The following TEX14 variants were observed in gnomAD, a reference collection of about 807,000 sequenced individuals.
TEX14 encodes inactive serine/threonine-protein kinase TEX14.
In TEX14, 168 loss-of-function variants were observed where a neutral mutation model predicts 178.6. The observed-to-expected ratio is 0.94, with a 90% CI of 0.83 to 1.07. The LOEUF (loss-of-function observed/expected upper bound fraction) is 1.07. Among genes scored for constraint, TEX14 ranks in the 50% least tolerant of loss-of-function variants. The probability of loss-of-function intolerance (pLI) is 0.00; values close to 1 mark genes in which losing one functional copy is unlikely to be tolerated. For synonymous variants in TEX14, 626 were observed against 634.1 expected (o/e 0.99, Z 0.19); for missense variants, 1,730 against 1,753.6 (o/e 0.99, Z 0.24).
At chr17:58,657,229 C>T (rs1485268367) in intron 1 of TEX14, among the ~76,000 whole-genome samples, 1 of 152,062 alleles carries the variant, frequency 6.6e-6, no homozygotes, top group East Asian at 1.9e-4. Context: ...CTCAGCCTCC[C>T]AAAGTGCTAG....
At chr17:58,649,578 T>C (rs1182789897) in intron 2 of TEX14, among the ~76,000 whole-genome samples, 1 of 152,014 alleles carries the variant, frequency 6.6e-6, no homozygotes, top group Non-Finnish European at 1.5e-5. Context: ...ATATCAAGCA[T>C]TTGAAGATGC....
intron 3 of TEX14, among the ~76,000 whole-genome samples, chr17:58,623,876 A>C (rs905387008): frequency 4.6e-5 from 7 of 152,054 alleles, no homozygotes; most frequent in Non-Finnish European, 1.0e-4. Flanking sequence ...AAGAGAAGAT[A>C]AGAAAAAAGT....
intron 19 of TEX14, among the ~76,000 whole-genome samples, 197 bp from the exon 20 acceptor site, chr17:58,579,928 C>T (rs1712433914): frequency 6.6e-6 from 1 of 152,094 alleles, no homozygotes; most frequent in Non-Finnish European, 1.5e-5. Flanking sequence ...GTAAGTCCTC[C>T]CTCACCTCTC....
chr17:58,644,290 T>C (rs1040945458), intron 2 of TEX14, among the ~76,000 whole-genome samples: 1 of 152,212 alleles, frequency 6.6e-6, no homozygotes, highest in Non-Finnish European at 1.5e-5. Context: ...CCCCTCCCCC[T>C]ACACCTACAT....
intron 29 of TEX14, 103 bp from the exon 30 acceptor site, chr17:58,559,665 A>C: frequency 1.6e-6 from 1 of 627,684 alleles, no homozygotes; most frequent in South Asian, 2.1e-5. Context: ...ACAACAACAA[A>C]ACCATATAAT....
rs115092705 is a variant in TEX14 at position 58,632,939 on chromosome 17, G to A, written c.137-2385C>T. The stretch of plus-strand genomic sequence containing the variant: ...CAATCTTGCAAGACCCCTATTAAAA[G>A]TCTCACTTCCGCTGTTCTTCGTGCC... On this transcript the variant is annotated intron_variant, in intron 2 of 31. Coordinates refer to ENST00000349033, the MANE Select transcript of TEX14 (RefSeq NM_031272.5). Among the ~76,000 whole-genome samples the A allele has an allele frequency of 2.9e-3, 441 of 152,282 alleles. 3 individuals are homozygous for A. Among genetic ancestry groups the A allele is most frequent in the African/African-American group, 9.5e-3 (395 of 41,550 alleles).
chr17:58,605,161 T>A (rs1460555865), intron 10 of TEX14, 32 bp from the exon 11 acceptor site: 1 of 1,606,732 alleles, frequency 6.2e-7, no homozygotes, highest in East Asian at 2.2e-5. Context: ...TCAGCGCTCA[T>A]GCCTTAAAGG....
intron 11 of TEX14, among the ~76,000 whole-genome samples, chr17:58,604,620 G>A (rs2045560863): frequency 6.6e-6 from 1 of 151,100 alleles, no homozygotes; most frequent in Non-Finnish European, 1.5e-5. Context: ...GAGTGCAGTG[G>A]CGCTATCTCA....
At chr17:58,631,643 TACTC>T (rs2046299646) in intron 2 of TEX14, 2 of 146,100 alleles carry the variant, frequency 1.4e-5, no homozygotes, top group Non-Finnish European at 3.0e-5. Context: ...AACCCAGAAC[TACTC>T]AGACTGCCTT....
At chr17:58,655,478 G>A (rs964507042) in intron 1 of TEX14, among the ~76,000 whole-genome samples, 32 of 151,946 alleles carry the variant, frequency 2.1e-4, no homozygotes, top group African/African-American at 7.7e-4. Flanking sequence ...CACCGCACCC[G>A]GCGACTAATG....
chr17:58,581,665 AG>A (rs1478161665), intron 19 of TEX14: 1 of 1,613,818 alleles, frequency 6.2e-7, no homozygotes, highest in Admixed American at 1.7e-5. Flanking sequence ...CACCGTCTGG[AG>A]TTAAAAATTC....
chr17:58,607,382 T>C (rs1357704864), intron 10 of TEX14, among the ~76,000 whole-genome samples: 1 of 152,166 alleles, frequency 6.6e-6, no homozygotes, highest in Non-Finnish European at 1.5e-5. Context: ...CATTTCACTT[T>C]ATTCCCTCCC....
intron 10 of TEX14, 138 bp from the exon 11 acceptor site, chr17:58,605,267 C>T: frequency 3.1e-6 from 3 of 954,368 alleles, no homozygotes; most frequent in Non-Finnish European, 4.6e-6. Flanking sequence ...TCTCAGCTCA[C>T]TGCAACCTCT....
chr17:58,585,833 T>C lies in TEX14; in HGVS notation c.3038A>G (p.His1013Arg). The C allele has an allele frequency of 6.2e-7, 1 of 1,614,088 alleles. No homozygotes were observed. The highest frequency in any genetic ancestry group is 8.5e-7 in the Non-Finnish European group (1 of 1,180,010). The change falls in exon 18 of 32, where the codon CAT (histidine) becomes CGT (arginine). Residue 1013 changes from histidine to arginine, a missense_variant. Coordinates refer to ENST00000349033, the MANE Select transcript of TEX14 (RefSeq NM_031272.5). Reference sequence around the variant, plus strand: ...GCTTCCAAGCCTGGGCTGTCTGCCATGCTGGTCACTGTCACAGTCATTGTT... The same window carrying C: ...GCTTCCAAGCCTGGGCTGTCTGCCACGCTGGTCACTGTCACAGTCATTGTT... ...TGNNDCDSDQHGRQPRLGSFT... is the reference protein window; with the variant it reads ...TGNNDCDSDQRGRQPRLGSFT...
chr17:58,654,608 A>C (rs1454377361), intron 1 of TEX14, among the ~76,000 whole-genome samples: 1 of 151,372 alleles, frequency 6.6e-6, no homozygotes, highest in African/African-American at 2.4e-5. Flanking sequence ...CTGGGTTCAA[A>C]CGATTCTCAG....
chr17:58,624,065 C>T (rs529819519), intron 3 of TEX14, among the ~76,000 whole-genome samples: 3 of 152,234 alleles, frequency 2.0e-5, no homozygotes, highest in African/African-American at 4.8e-5. Context: ...GGGCAGATCA[C>T]GAGGTCAGGA....
In TEX14 at chr17:58,621,669, A is replaced by C; in HGVS notation, c.535T>G (p.Cys179Gly). 2 of 1,613,974 alleles carry C rather than the reference A, an allele frequency of 1.2e-6. No homozygotes were observed. Among genetic ancestry groups the C allele is most frequent in the Non-Finnish European group, 1.7e-6 (2 of 1,179,908 alleles). Residue 179 changes from cysteine (C) to glycine (G), a missense_variant, in exon 5 of 32, where the codon TGT becomes GGT. Coordinates refer to ENST00000349033, the MANE Select transcript of TEX14 (RefSeq NM_031272.5). ...PQRLVYSPSW[C>G]GGLVQGNPNG... is the part of the protein sequence containing the mutation. ...ACTCACCCCTGCACGAGGCCCCCAC[A>C]CCAGGACGGGCTGTAGACAAGCCGC... is the stretch of plus-strand genomic sequence containing the variant.
chr17:58,635,379 G>A (rs927180107), intron 2 of TEX14, among the ~76,000 whole-genome samples: 9 of 151,350 alleles, frequency 5.9e-5, no homozygotes, highest in Non-Finnish European at 1.2e-4. Context: ...CCCTCCCAGG[G>A]CTCAGGAGGC....
chr17:58,605,355 C>T (rs1167592852), intron 10 of TEX14, among the ~76,000 whole-genome samples: 1 of 152,106 alleles, frequency 6.6e-6, no homozygotes, highest in South Asian at 2.1e-4. Flanking sequence ...TCACCAGGCC[C>T]GGCTAATTTT....
Sources: gnomAD v4.1 joint callset for allele counts (sites outside exome capture counted in the v4.1 genomes callset) on GRCh38, gnomAD v4.1.1 for gene constraint, MANE v1.5 for transcripts, NCBI Gene and HGNC (gene_info 2026-07-23, HGNC 2026-07-21) for gene names.